The following SH3KBP1 variants were observed in gnomAD, a reference collection of about 807,000 sequenced individuals.
SH3KBP1 encodes SH3 domain-containing kinase-binding protein 1.
SH3KBP1 carries 8 observed loss-of-function variants against 50.1 expected under a neutral mutation model. That is an observed-to-expected ratio of 0.16 (90% CI 0.09 to 0.29). SH3KBP1 has a LOEUF of 0.29. SH3KBP1 is among the 10% of genes least tolerant of loss of function. SH3KBP1 has a pLI of 1.00. For missense variants in SH3KBP1, 377 were observed against 535.2 expected, an observed-to-expected ratio of 0.70 and a Z score of 2.92; for synonymous variants, 227 against 218.6, an observed-to-expected ratio of 1.04 and a Z score of -0.34.
intron 2 of SH3KBP1, among the ~76,000 whole-genome samples, chrX:19,775,930 T>C (rs938729038): frequency 2.7e-5 from 3 of 111,801 alleles, no homozygotes; most frequent in African/African-American, 9.8e-5. Flanking sequence ...TTAATAATTC[T>C]ACTTGCAAGT....
chrX:19,627,048 G>A (rs1243414976), intron 8 of SH3KBP1, among the ~76,000 whole-genome samples: 2 of 112,213 alleles, frequency 1.8e-5, no homozygotes, highest in Admixed American at 9.4e-5. Flanking sequence ...ATGAAGACAG[G>A]GAGGTTGGGT....
intron 4 of SH3KBP1, among the ~76,000 whole-genome samples, chrX:19,698,860 A>G (rs894522229): frequency 1.8e-5 from 2 of 110,719 alleles, no homozygotes; most frequent in African/African-American, 3.3e-5. Flanking sequence ...TCATTCTAAG[A>G]GTAAAGCACA....
chrX:19,572,262 TTA>T (rs1289502178), intron 12 of SH3KBP1, among the ~76,000 whole-genome samples: 1 of 106,833 alleles, frequency 9.4e-6, no homozygotes, highest in Middle Eastern at 4.9e-3. Context: ...TACATATATG[TTA>T]TATAGAGTAT....
chrX:19,771,368 T>C (rs1726254147), intron 2 of SH3KBP1, among the ~76,000 whole-genome samples: 1 of 111,537 alleles, frequency 9.0e-6, no homozygotes, highest in Non-Finnish European at 1.9e-5. Flanking sequence ...CCAGGATCCC[T>C]AGGAGGCCTC....
chrX:19,684,724 C>T (rs753780726), intron 5 of SH3KBP1, among the ~76,000 whole-genome samples: 3 of 112,254 alleles, frequency 2.7e-5, no homozygotes, highest in Non-Finnish European at 5.6e-5. Flanking sequence ...CCCAAACCTA[C>T]AGCCCTTCTT....
At chrX:19,574,517 T>G (rs1203100274) in intron 12 of SH3KBP1, among the ~76,000 whole-genome samples, 1 of 112,774 alleles carries the variant, frequency 8.9e-6, no homozygotes. Context: ...GGTCAAGATG[T>G]CAGCAGATTC....
At chrX:19,565,047 T>C (rs1384822045) in intron 13 of SH3KBP1, among the ~76,000 whole-genome samples, 8 of 88,539 alleles carry the variant, frequency 9.0e-5, no homozygotes, top group African/African-American at 1.8e-4. Flanking sequence ...TGGCTTCAAC[T>C]CCAATTTTTT....
intron 2 of SH3KBP1, among the ~76,000 whole-genome samples, chrX:19,769,232 G>C (rs1175287212): frequency 1.9e-5 from 2 of 106,442 alleles, no homozygotes; most frequent in Non-Finnish European, 3.9e-5. Context: ...CTACAGGCAT[G>C]CACCACCATG....
At chrX:19,676,419 C>T (rs1423488962) in intron 6 of SH3KBP1, among the ~76,000 whole-genome samples, 1 of 111,395 alleles carries the variant, frequency 9.0e-6, no homozygotes, top group Non-Finnish European at 1.9e-5. Flanking sequence ...ATGAATAAGA[C>T]CTACTGTTTG....
intron 14 of SH3KBP1, among the ~76,000 whole-genome samples, chrX:19,548,850 C>T (rs184311527): frequency 6.6e-4 from 41 of 62,366 alleles, no homozygotes; most frequent in African/African-American, 3.5e-3. Context: ...AGAGAGAAAT[C>T]GAACTTATAC....
rs1238873209 is a variant in SH3KBP1, at chrX:19,717,198, G to A, written c.287-10214C>T. Among the ~76,000 whole-genome samples, 4 of 111,765 alleles carry A rather than the reference G, an allele frequency of 3.6e-5. No individual in the cohort carries two copies. The Admixed American group carries it at 3.8e-4, about 11-fold the overall frequency. On this transcript the variant is annotated intron_variant, in intron 3 of 17. Coordinates refer to ENST00000397821, the MANE Select transcript of SH3KBP1 (RefSeq NM_031892.3). ...GACATACGCCAAACAATTGTCAGCTGACATGCCTGTTGCCTCCTTTGGGGG... is the reference window on the plus strand; with the variant it reads ...GACATACGCCAAACAATTGTCAGCTAACATGCCTGTTGCCTCCTTTGGGGG...
At chrX:19,767,735 T>C (rs1420990297) in intron 2 of SH3KBP1, among the ~76,000 whole-genome samples, 2 of 111,191 alleles carry the variant, frequency 1.8e-5, no homozygotes, top group African/African-American at 6.5e-5. Context: ...GTGAACAGAA[T>C]AATGAAAGAA....
chrX:19,577,817 T>C (rs928550841), intron 12 of SH3KBP1, among the ~76,000 whole-genome samples: 9 of 111,192 alleles, frequency 8.1e-5, no homozygotes, highest in South Asian at 3.8e-4. Context: ...AATCTACCGA[T>C]TGCTACTGAA....
intron 2 of SH3KBP1, among the ~76,000 whole-genome samples, chrX:19,811,936 T>G (rs2067217799): frequency 9.0e-6 from 1 of 111,339 alleles, no homozygotes; most frequent in South Asian, 3.7e-4. Flanking sequence ...CACCAGGGCC[T>G]CCCCCACACC....
Position 19,774,544 on chromosome X carries a change from G to A in SH3KBP1, c.163-28103C>T, listed in dbSNP as rs183405626. 1.3e-4 allele frequency among the ~76,000 whole-genome samples: 14 copies of A among 108,601 alleles called. No homozygotes were observed. In the East Asian group the frequency reaches 3.5e-3, roughly 27 times the overall value. 94.3% of individuals were successfully genotyped at this position (108,601 alleles called of 115,157 possible). On this transcript the variant is annotated intron_variant, in intron 2 of 17. Transcript: ENST00000397821. Reference sequence around the variant, plus strand: ...AAATTAGCCAGGCGTGGTGGCAGGCGCCAGGAGTCCCAGCTACTCAGGAGG... The same window carrying A: ...AAATTAGCCAGGCGTGGTGGCAGGCACCAGGAGTCCCAGCTACTCAGGAGG...
chrX:19,865,163 CTTAT>C (rs1488179559), intron 1 of SH3KBP1, among the ~76,000 whole-genome samples: 1 of 112,378 alleles, frequency 8.9e-6, no homozygotes, highest in East Asian at 2.8e-4. Context: ...TAGGCCTATT[CTTAT>C]TTATCATTTA....
At chrX:19,685,957 A>G (rs1263271468) in intron 5 of SH3KBP1, among the ~76,000 whole-genome samples, 6 of 111,802 alleles carry the variant, frequency 5.4e-5, no homozygotes, top group Non-Finnish European at 1.1e-4. Flanking sequence ...ATCATTCACC[A>G]TTAGCTAGAA....
chrX:19,673,745 GCCCA>G (rs947651462), intron 6 of SH3KBP1, among the ~76,000 whole-genome samples: 11 of 110,991 alleles, frequency 9.9e-5, no homozygotes, highest in Non-Finnish European at 2.1e-4. Flanking sequence ...TCACCAACTT[GCCCA>G]CCCACCCAGA....
chrX:19,767,824 T>C (rs2065668541), intron 2 of SH3KBP1, among the ~76,000 whole-genome samples: 2 of 111,028 alleles, frequency 1.8e-5, no homozygotes, highest in East Asian at 2.8e-4. Flanking sequence ...GGCTGAAATA[T>C]AGAACAATTT....
Sources: gnomAD v4.1 joint callset for allele counts (sites outside exome capture counted in the v4.1 genomes callset) on GRCh38, gnomAD v4.1.1 for gene constraint, MANE v1.5 for transcripts, NCBI Gene and HGNC (gene_info 2026-07-23, HGNC 2026-07-21) for gene names.